ACSL4: variants seen among roughly 807,000 people sequenced by gnomAD.
The protein encoded by ACSL4 is acyl-CoA synthetase long chain family member 4, also known as long-chain-fatty-acid--CoA ligase 4.
A neutral mutation model predicts 49.1 loss-of-function variants in ACSL4; 9 were observed. That is an observed-to-expected ratio of 0.18 (90% CI 0.11 to 0.32). ACSL4 has a LOEUF of 0.32. ACSL4 is among the 10% of genes least tolerant of loss of function. The probability of loss-of-function intolerance (pLI) is 1.00; values close to 1 mark genes in which losing one functional copy is unlikely to be tolerated. For synonymous variants in ACSL4, 191 were observed against 170.3 expected (o/e 1.12, Z -0.95); for missense variants, 333 against 493.7 (o/e 0.67, Z 3.08).
intron 1 of ACSL4, among the ~76,000 whole-genome samples, chrX:109,709,998 A>G (rs1926641529): frequency 2.7e-5 from 3 of 111,564 alleles, no homozygotes; most frequent in Non-Finnish European, 5.6e-5. Context: ...CCCTCTACTC[A>G]GGAGGCTGAG....
chrX:109,652,031 A>G, intron 15 of ACSL4, among the ~76,000 whole-genome samples: 1 of 111,669 alleles, frequency 9.0e-6, no homozygotes, highest in East Asian at 2.8e-4. Context: ...ATTAACTAGA[A>G]CATTATGAAA....
chrX:109,729,269 G>T (rs1202948330), intron 1 of ACSL4, among the ~76,000 whole-genome samples: 1 of 111,193 alleles, frequency 9.0e-6, no homozygotes, highest in Non-Finnish European at 1.9e-5. Context: ...AATCCAAATA[G>T]AAAATGGACA....
chrX:109,683,441 G>A, intron 2 of ACSL4, 66 bp from the exon 3 acceptor site: 1 of 1,211,024 alleles, frequency 8.3e-7, no homozygotes, highest in Non-Finnish European at 1.1e-6. Context: ...ATTAACAAGT[G>A]GACAGGCAGC....
rs1286630733 is a variant in ACSL4 at position 109,642,573 on chromosome X, TAAGC to T, written c.*1452_*1455del. On this transcript the variant is annotated 3_prime_UTR_variant, in exon 16 of 16. Transcript: ENST00000672401. ...TGGCCCACATCTGTACAAAACAACA[TAAGC>T]AACACACACACACACATATATATAT... The T allele has an allele frequency of 1.8e-5, 2 of 110,557 alleles. No homozygotes were observed. Among genetic ancestry groups the T allele is most frequent in the African/African-American group, 6.6e-5 (2 of 30,336 alleles). 9.1% of individuals were successfully genotyped at this position (110,557 alleles called of 1,213,427 possible). A position where few individuals can be genotyped will look rare whatever the true frequency, so the allele number is the denominator to read the frequency against.
chrX:109,646,151 G>A (rs1170601562), intron 15 of ACSL4, among the ~76,000 whole-genome samples: 2 of 111,210 alleles, frequency 1.8e-5, no homozygotes, highest in African/African-American at 6.6e-5. Flanking sequence ...CCAACATTCA[G>A]ATTCAGGAAA....
chrX:109,724,164 A>C (rs749775253), intron 1 of ACSL4, among the ~76,000 whole-genome samples: 1 of 112,491 alleles, frequency 8.9e-6, no homozygotes, highest in South Asian at 3.7e-4. Context: ...CGATCATAAA[A>C]ATATGTATGG....
intron 1 of ACSL4, among the ~76,000 whole-genome samples, chrX:109,708,696 T>C (rs1196970627): frequency 8.9e-6 from 1 of 111,904 alleles, no homozygotes; most frequent in African/African-American, 3.3e-5. Flanking sequence ...ACAAGCTGAG[T>C]CTCCCTAATC....
chrX:109,714,110 G>A (rs1926948882), intron 1 of ACSL4, among the ~76,000 whole-genome samples: 1 of 111,977 alleles, frequency 8.9e-6, no homozygotes, highest in Admixed American at 9.5e-5. Flanking sequence ...GAAAGACAGC[G>A]ATACTGATGA....
Position 109,643,872 on chromosome X carries a change from G to T in ACSL4, c.*157C>A. 1 of 620,953 alleles carries T rather than the reference G, an allele frequency of 1.6e-6. No homozygotes were observed. The highest frequency in any genetic ancestry group is 2.5e-6 in the Non-Finnish European group (1 of 395,255). 51.2% of individuals were successfully genotyped at this position (620,953 alleles called of 1,213,427 possible). A position where few individuals can be genotyped will look rare whatever the true frequency, so the allele number is the denominator to read the frequency against. ...ATGCAAAACTAAGTTAAAGTAAACCGGACAACAATTTTAATAACTTTTGGT... is the reference window on the plus strand; with the variant it reads ...ATGCAAAACTAAGTTAAAGTAAACCTGACAACAATTTTAATAACTTTTGGT... On this transcript the variant is annotated 3_prime_UTR_variant, in exon 16 of 16. Transcript: ENST00000672401.
At chrX:109,653,903 T>C (rs1921397974) in intron 15 of ACSL4, among the ~76,000 whole-genome samples, 1 of 108,859 alleles carries the variant, frequency 9.2e-6, no homozygotes, top group African/African-American at 3.4e-5. Context: ...CATGTATACA[T>C]ATGTAACTAA....
At chrX:109,667,374 G>T (rs1922750290) in intron 11 of ACSL4, among the ~76,000 whole-genome samples, 1 of 112,485 alleles carries the variant, frequency 8.9e-6, no homozygotes, top group Non-Finnish European at 1.9e-5. Flanking sequence ...AGAATTATCG[G>T]ATTCAAAATT....
intron 2 of ACSL4, among the ~76,000 whole-genome samples, chrX:109,690,115 T>C (rs756121936): frequency 7.1e-5 from 8 of 112,631 alleles, no homozygotes; most frequent in African/African-American, 1.6e-4. Flanking sequence ...AGTTGCTTAA[T>C]AGAAAATATG....
At chrX:109,651,844 A>G (rs1921163492) in intron 15 of ACSL4, among the ~76,000 whole-genome samples, 1 of 112,119 alleles carries the variant, frequency 8.9e-6, no homozygotes, top group Non-Finnish European at 1.9e-5. Context: ...CCAAAAAAAT[A>G]AAGACTGCTA....
At chrX:109,714,947 T>C (rs1316123796) in intron 1 of ACSL4, among the ~76,000 whole-genome samples, 1 of 111,845 alleles carries the variant, frequency 8.9e-6, no homozygotes, top group Non-Finnish European at 1.9e-5. Context: ...AATGCTAATA[T>C]TAAGTATAAA....
intron 15 of ACSL4, among the ~76,000 whole-genome samples, chrX:109,645,079 G>T (rs985007384): frequency 1.8e-5 from 2 of 113,021 alleles, no homozygotes; most frequent in African/African-American, 3.2e-5. Flanking sequence ...CTGCAAGGTG[G>T]CAGGGAGGCT....
chrX:109,665,489 C>A lies in ACSL4; in HGVS notation c.1321G>T (p.Asp441Tyr). The A allele has an allele frequency of 8.3e-7, 1 of 1,204,736 alleles. No homozygotes were observed. Among genetic ancestry groups the A allele is most frequent in the South Asian group, 1.8e-5 (1 of 56,786 alleles). ...CGAGTVTEVTDYTTGRVGAPL... is the reference protein window; with the variant it reads ...CGAGTVTEVTYYTTGRVGAPL... ...GCTCCAACTCTGCCAGTAGTATAGT[C>A]AGTTACTGTGAGGGAAAAAGTAACA... Residue 441 changes from aspartate to tyrosine, a missense_variant, in exon 12 of 16, where the codon GAC becomes TAC. By Grantham distance (160) the Asp-to-Tyr change is radical (BLOSUM62 -3). Transcript: ENST00000672401.
intron 1 of ACSL4, 151 bp downstream of exon 1, chrX:109,732,988 G>GA (rs1928593972): frequency 3.1e-6 from 1 of 327,365 alleles, no homozygotes; most frequent in Non-Finnish European, 5.9e-6. Flanking sequence ...CTGGCTCAAG[G>GA]AAAAAAGCGA....
intron 8 of ACSL4, among the ~76,000 whole-genome samples, chrX:109,677,345 G>A (rs902774222): frequency 2.6e-4 from 29 of 111,053 alleles, no homozygotes; most frequent in African/African-American, 9.5e-4. Context: ...ACTGGGCCAA[G>A]ACCCTAACAT....
rs144701315 is a variant in ACSL4, at chrX:109,725,807, T to A, written c.-66+7332A>T. 8.8e-3 allele frequency among the ~76,000 whole-genome samples: 983 copies of A among 112,032 alleles called. 9 individuals carry two copies. Among genetic ancestry groups the A allele is most frequent in the African/African-American group, 0.03 (936 of 30,831 alleles). On this transcript the variant is annotated intron_variant, in intron 1 of 15. Coordinates refer to ENST00000672401, the MANE Select transcript of ACSL4 (RefSeq NM_001318510.2). Reference sequence around the variant, plus strand: ...TTTTATATTTTTTCCACGTATCTTGTATAGTCATCTTACCCACATTTAAGC... The same window carrying A: ...TTTTATATTTTTTCCACGTATCTTGAATAGTCATCTTACCCACATTTAAGC...
Sources: gnomAD v4.1 joint callset for allele counts (sites outside exome capture counted in the v4.1 genomes callset) on GRCh38, gnomAD v4.1.1 for gene constraint, MANE v1.5 for transcripts, NCBI Gene and HGNC (gene_info 2026-07-23, HGNC 2026-07-21) for gene names.